The following PLEKHG6 variants were observed in gnomAD, a reference collection of about 807,000 sequenced individuals.
PLEKHG6 encodes the protein pleckstrin homology and RhoGEF domain containing G6.
In PLEKHG6, 91 loss-of-function variants were observed where a neutral mutation model predicts 97.5. That is an observed-to-expected ratio of 0.93 (90% confidence interval 0.79 to 1.11). PLEKHG6 has a LOEUF of 1.11. Ranked by LOEUF, PLEKHG6 falls within the 50% of genes most tolerant of loss-of-function variation. The pLI is 0.00. For missense variants in PLEKHG6, 1,044 were observed against 1,031.0 expected, an observed-to-expected ratio of 1.01 and a Z score of -0.17; for synonymous variants, 466 against 425.5, an observed-to-expected ratio of 1.10 and a Z score of -1.17.
rs762933701 is a variant in PLEKHG6, at chr12:6,312,355, C to T, written c.129C>T (p.Tyr43=). ...CTGGCAGACTCTATCCCCGAGGATA[C>T]CCTGTGCTGGTGAGTCCAGGCTGTG... ...STAGRLYPRG[Y]PVLDPSRRRL... Residue 43 remains tyrosine (Y), a synonymous_variant, in exon 2 of 16, where the codon TAC becomes TAT. Coordinates refer to ENST00000684764, the MANE Select transcript of PLEKHG6 (RefSeq NM_001384598.1). 1 of 1,584,834 alleles carries T rather than the reference C, an allele frequency of 6.3e-7. No homozygotes were observed. Among genetic ancestry groups the T allele is most frequent in the Non-Finnish European group, 8.6e-7 (1 of 1,168,220 alleles).
chr12:6,317,085 G>A (rs1248510393), intron 7 of PLEKHG6, among the ~76,000 whole-genome samples: 3 of 152,226 alleles, frequency 2.0e-5, no homozygotes, highest in Admixed American at 2.0e-4. Flanking sequence ...AGAGCTCTGG[G>A]TCAGTGTCGG....
intron 13 of PLEKHG6, among the ~76,000 whole-genome samples, chr12:6,322,664 G>A (rs1274406724): frequency 6.6e-6 from 1 of 152,196 alleles, no homozygotes; most frequent in Non-Finnish European, 1.5e-5. Flanking sequence ...CAGATGGCTT[G>A]AGACCAGAAG....
At chr12:6,326,934 A>G (rs1374356945) in intron 14 of PLEKHG6, among the ~76,000 whole-genome samples, 8 of 152,170 alleles carry the variant, frequency 5.3e-5, no homozygotes, top group African/African-American at 1.7e-4. Flanking sequence ...ACTGCTTGGC[A>G]GCAGCTTAAG....
intron 2 of PLEKHG6, 172 bp downstream of exon 2, chr12:6,312,536 A>G (rs972233327): frequency 1.7e-5 from 19 of 1,119,704 alleles, no homozygotes; most frequent in Non-Finnish European, 1.2e-6. Flanking sequence ...GCCAGGCTCC[A>G]GGGATATCAC....
At chr12:6,323,576 A>G (rs1947769105) in intron 13 of PLEKHG6, among the ~76,000 whole-genome samples, 1 of 152,218 alleles carries the variant, frequency 6.6e-6, no homozygotes, top group Non-Finnish European at 1.5e-5. Flanking sequence ...AGGGACTGAG[A>G]AGAGGAAAAG....
At position 6,316,318 on chromosome 12, in the gene PLEKHG6, G is replaced by C; in HGVS notation, c.670G>C (p.Asp224His). Reference protein sequence around the residue: ...SLIRTHRSFWDEVLGPTLEET... With the variant: ...SLIRTHRSFWHEVLGPTLEET... ...GATTCGAACCCACCGGAGCTTTTGG[G>C]ATGAGGTGCTGGGGCCCACCCTGGA... The change falls in exon 7 of 16, where the codon GAT becomes CAT. Residue 224 changes from aspartate (D) to histidine (H), a missense_variant. Asp to His is a moderately conservative substitution (Grantham distance 81). Coordinates refer to ENST00000684764, the MANE Select transcript of PLEKHG6 (RefSeq NM_001384598.1). The surrounding 1 kb of genome is among the most constrained non-coding windows in gnomAD (Gnocchi z 4.1). The C allele has an allele frequency of 1.3e-6, 2 of 1,558,774 alleles. No homozygotes were observed. The highest frequency in any genetic ancestry group is 1.7e-6 in the Non-Finnish European group (2 of 1,150,442).
rs563003372 is a variant in PLEKHG6, at chr12:6,314,375, C to T, written c.294+591C>T. 2.6e-5 allele frequency among the ~76,000 whole-genome samples: 4 copies of T among 152,200 alleles called. No homozygotes were observed. In the South Asian group the frequency reaches 8.3e-4, roughly 32 times the overall value. On this transcript the variant is annotated intron_variant, in intron 3 of 15. Coordinates refer to ENST00000684764, the MANE Select transcript of PLEKHG6 (RefSeq NM_001384598.1). ...AAAAAAAATTAGCTGGGTGTCATGGCGGGCACCTGTAGTCCCAGCTATTAA... is the reference window on the plus strand; with the variant it reads ...AAAAAAAATTAGCTGGGTGTCATGGTGGGCACCTGTAGTCCCAGCTATTAA...
Position 6,316,230 on chromosome 12 carries a change from T to G in PLEKHG6, c.607-25T>G. On this transcript the variant is annotated intron_variant, in intron 6 of 15. Coordinates refer to ENST00000684764, the MANE Select transcript of PLEKHG6 (RefSeq NM_001384598.1). This position sits in a 1 kb window ranked among gnomAD's most constrained non-coding sequence, Gnocchi z 4.1. ...CCCTGGGGACCTTCCAAAAGTGTGCTGCTCAGCTCTGCTCCCTCCTCCAGG... is the reference window on the plus strand; with the variant it reads ...CCCTGGGGACCTTCCAAAAGTGTGCGGCTCAGCTCTGCTCCCTCCTCCAGG... 6.5e-7 allele frequency: 1 copy of G among 1,530,260 alleles called. No homozygotes were observed. The highest frequency in any genetic ancestry group is 8.8e-7 in the Non-Finnish European group (1 of 1,133,768). 94.8% of individuals were successfully genotyped at this position (1,530,260 alleles called of 1,614,324 possible).
chr12:6,313,143 G>C, intron 2 of PLEKHG6: 1 of 1,546,740 alleles, frequency 6.5e-7, no homozygotes, highest in Middle Eastern at 1.7e-4. Context: ...ACTCCCAGCT[G>C]GATGGGATGC....
At chr12:6,322,590 T>A (rs1432985124) in intron 13 of PLEKHG6, among the ~76,000 whole-genome samples, 1 of 152,130 alleles carries the variant, frequency 6.6e-6, no homozygotes, top group East Asian at 1.9e-4. Context: ...GTTAATCAAA[T>A]TTTCTTGGCC....
chr12:6,324,292 TCCCC>T (rs60601739), intron 13 of PLEKHG6, among the ~76,000 whole-genome samples: 2 of 121,760 alleles, frequency 1.6e-5, no homozygotes, highest in Admixed American at 8.3e-5. Flanking sequence ...CTCGCCCCCC[TCCCC>T]CCCCCGCCGC....
At chr12:6,320,936 T>A (rs960235364) in intron 13 of PLEKHG6, among the ~76,000 whole-genome samples, 1 of 152,178 alleles carries the variant, frequency 6.6e-6, no homozygotes, top group African/African-American at 2.4e-5. Flanking sequence ...GAGGCCAGAT[T>A]CTGCAGAATC....
At chr12:6,327,182 G>A in intron 14 of PLEKHG6, 72 bp from the exon 15 acceptor site, 2 of 889,700 alleles carry the variant, frequency 2.2e-6, no homozygotes, top group Non-Finnish European at 3.6e-6. Flanking sequence ...ATTTCTGGAT[G>A]TAGTGATCAA....
chr12:6,321,167 G>A (rs1166539920), intron 13 of PLEKHG6, among the ~76,000 whole-genome samples: 1 of 152,028 alleles, frequency 6.6e-6, no homozygotes, highest in Non-Finnish European at 1.5e-5. Context: ...CTGCAGGTGT[G>A]TACCACCACA....
In PLEKHG6 at chr12:6,314,766, G is replaced by A. The variant is rs58167088; in HGVS notation, c.295-239G>A. ...TCCAGGGACCTTTCCACAGACCAGG[G>A]TGCCTCTTCACCCACATTCCAGCAA... On this transcript the variant is annotated intron_variant, in intron 3 of 15. Transcript: ENST00000684764. 7.8e-3 allele frequency among the ~76,000 whole-genome samples: 1,188 copies of A among 152,206 alleles called. 17 individuals carry two copies. The highest frequency in any genetic ancestry group is 0.027 in the African/African-American group (1,117 of 41,524).
chr12:6,315,669 AGCCCCG>A lies in PLEKHG6; in HGVS notation c.555+26_555+31del. The stretch of plus-strand genomic sequence containing the variant: ...ACTGATGTGAGCCCCCCTCAGCCCC[AGCCCCG>A]GCCCCATCTTCCCTGCATGAGCCCC... On this transcript the variant is annotated intron_variant, in intron 5 of 15. Transcript: ENST00000684764. This position sits in a 1 kb window ranked among gnomAD's most constrained non-coding sequence, Gnocchi z 4.5. The A allele has an allele frequency of 6.7e-7, 1 of 1,484,424 alleles. No individual in the cohort carries two copies. The highest frequency in any genetic ancestry group is 1.2e-5 in the South Asian group (1 of 82,974). The allele number at this position is 1,484,424 out of a possible 1,614,324, so 92.0% of individuals were successfully genotyped here. A position where few individuals can be genotyped will look rare whatever the true frequency, so the allele number is the denominator to read the frequency against.
chr12:6,312,197 G>T lies in PLEKHG6; in HGVS notation c.-30G>T. The T allele has an allele frequency of 2.1e-6, 3 of 1,456,392 alleles. No individual in the cohort carries two copies. The highest frequency in any genetic ancestry group is 2.7e-6 in the Non-Finnish European group (3 of 1,107,502). 90.2% of individuals were successfully genotyped at this position (1,456,392 alleles called of 1,614,324 possible). ...CTTTCTCCTGGACATTGAAGATATG[G>T]CCCTTTGGAGGTGACCCAGGAGAGA... On this transcript the variant is annotated 5_prime_UTR_variant, in exon 2 of 16. Transcript: ENST00000684764.
intron 9 of PLEKHG6, 41 bp downstream of exon 9, chr12:6,317,737 A>C (rs746509792): frequency 3.7e-6 from 6 of 1,606,388 alleles, no homozygotes; most frequent in Non-Finnish European, 5.1e-6. Flanking sequence ...TGAATCGGGG[A>C]CTGGGAGGGG....
rs990246408 is a variant in PLEKHG6 at position 6,313,755 on chromosome 12, G to A, written c.265G>A (p.Ala89Thr). 1.2e-6 allele frequency: 2 copies of A among 1,602,090 alleles called. No individual in the cohort carries two copies. Among genetic ancestry groups the A allele is most frequent in the Non-Finnish European group, 8.5e-7 (1 of 1,174,268 alleles). Reference protein sequence around the residue: ...PEKRHGGHVGAGLLHSPKLKE... With the variant: ...PEKRHGGHVGTGLLHSPKLKE... Reference sequence around the variant, plus strand: ...GAAGAGGCACGGGGGCCATGTGGGGGCTGGCCTGCTTCACTCCCCCAAACT... The same window carrying A: ...GAAGAGGCACGGGGGCCATGTGGGGACTGGCCTGCTTCACTCCCCCAAACT... The change falls in exon 3 of 16, where the codon GCT (alanine) becomes ACT (threonine). Residue 89 changes from alanine to threonine, a missense_variant. Physicochemically the swap from Ala to Thr is moderately conservative, Grantham distance 58. Transcript: ENST00000684764.
Sources: allele counts gnomAD v4.1 joint callset (sites outside exome capture counted in the v4.1 genomes callset), GRCh38; gene constraint gnomAD v4.1.1; non-coding constraint Gnocchi (gnomAD v3.1); transcripts MANE v1.5; gene names NCBI Gene and HGNC (gene_info 2026-07-23, HGNC 2026-07-21).